Variants in VWA2 observed in about 807,000 individuals in gnomAD.
The protein encoded by VWA2 is von Willebrand factor A domain-containing protein 2.
In VWA2, 73 loss-of-function variants were observed where a neutral mutation model predicts 70.4. The observed-to-expected ratio is 1.04, with a 90% CI of 0.86 to 1.26. The LOEUF (loss-of-function observed/expected upper bound fraction) is 1.26. Among genes scored for constraint, VWA2 ranks in the 50% most tolerant of loss-of-function variants. The probability of loss-of-function intolerance (pLI) is 0.00; values close to 1 mark genes in which losing one functional copy is unlikely to be tolerated. For missense variants in VWA2, 1,011 were observed against 998.5 expected (o/e 1.01, Z -0.17); for synonymous variants, 407 against 423.3 (o/e 0.96, Z 0.47).
intron 1 of VWA2, among the ~76,000 whole-genome samples, chr10:114,241,253 G>A (rs1298361123): frequency 6.6e-6 from 1 of 152,042 alleles, no homozygotes; most frequent in East Asian, 1.9e-4. Context: ...GTTTGCCCTG[G>A]GGTTTGCTCC....
At chr10:114,247,010 G>A (rs1377994891) in intron 1 of VWA2, among the ~76,000 whole-genome samples, 1 of 152,100 alleles carries the variant, frequency 6.6e-6, no homozygotes, top group African/African-American at 2.4e-5. Flanking sequence ...GCCAGGCATG[G>A]TTTCTTCCCA....
At position 114,289,409 on chromosome 10, in the gene VWA2, C is replaced by T; in HGVS notation, c.2042C>T (p.Pro681Leu). 2 of 1,609,358 alleles carry T rather than the reference C, an allele frequency of 1.2e-6. No homozygotes were observed. The highest frequency in any genetic ancestry group is 1.7e-6 in the Non-Finnish European group (2 of 1,175,678). ...GAGGGTCTGCGGAGGCTTGCAGGTCCCCGGGATTCCCTGATCCACGTGGCA... is the reference window on the plus strand; with the variant it reads ...GAGGGTCTGCGGAGGCTTGCAGGTCTCCGGGATTCCCTGATCCACGTGGCA... ...LSEGLRRLAG[P>L]RDSLIHVAAY... The change falls in exon 12 of 14, where the codon CCC becomes CTC. Residue 681 changes from proline to leucine, a missense_variant. Physicochemically the swap from Pro to Leu is moderately conservative, Grantham distance 98. Coordinates refer to ENST00000392982, the MANE Select transcript of VWA2 (RefSeq NM_001272046.2).
chr10:114,247,198 A>G (rs933631366), intron 1 of VWA2, among the ~76,000 whole-genome samples: 5 of 152,142 alleles, frequency 3.3e-5, no homozygotes, highest in Admixed American at 1.3e-4. Context: ...TGAAAAAAAA[A>G]AAAAAGATTT....
intron 5 of VWA2, among the ~76,000 whole-genome samples, chr10:114,265,529 C>T (rs555300317): frequency 9.2e-5 from 14 of 152,328 alleles, no homozygotes; most frequent in Non-Finnish European, 1.9e-4. Context: ...AACAGGGGCC[C>T]TGGCCAGGAT....
chr10:114,242,577 CCTCTGTGTACCGCATGT>C (rs2036992598), intron 1 of VWA2, among the ~76,000 whole-genome samples: 1 of 151,518 alleles, frequency 6.6e-6, no homozygotes. Context: ...CGTACTGGTG[CCTCTGTGTACCGCATGT>C]CTCTGTGTAC....
Position 114,239,482 on chromosome 10 carries a change from A to G in VWA2, c.-98A>G, listed in dbSNP as rs1332964248. ...CCGCGCCCCGGGCGCCCCTCCTGTG[A>G]TCCCGTAGCGCCCCCTGGCCCGAGC... On this transcript the variant is annotated 5_prime_UTR_variant, in exon 1 of 14. Coordinates refer to ENST00000392982, the MANE Select transcript of VWA2 (RefSeq NM_001272046.2). 1 of 152,188 alleles carries G rather than the reference A, an allele frequency of 6.6e-6. No homozygotes were observed. The highest frequency in any genetic ancestry group is 1.5e-5 in the Non-Finnish European group (1 of 68,090). The allele number at this position is 152,188 out of a possible 1,614,324, so 9.4% of individuals were successfully genotyped here.
At chr10:114,285,898 T>G in intron 10 of VWA2, 41 bp from the exon 11 acceptor site, 1 of 1,537,818 alleles carries the variant, frequency 6.5e-7, no homozygotes, top group East Asian at 2.3e-5. Flanking sequence ...GCATGCCGCA[T>G]GACCATGGCT....
At position 114,286,147 on chromosome 10, in the gene VWA2, T is replaced by G. The variant is rs1308108127; in HGVS notation, c.1206T>G (p.Asp402Glu). 1 of 1,613,956 alleles carries G rather than the reference T, an allele frequency of 6.2e-7. No homozygotes were observed. The highest frequency in any genetic ancestry group is 1.3e-5 in the African/African-American group (1 of 74,930). Reference protein sequence around the residue: ...LVAVPVGEYQDVPDLVWSLDG... With the variant: ...LVAVPVGEYQEVPDLVWSLDG... Reference sequence around the variant, plus strand: ...CGGTGCCTGTGGGGGAGTACCAGGATGTGCCTGACCTGGTCTGGAGCCTCG... The same window carrying G: ...CGGTGCCTGTGGGGGAGTACCAGGAGGTGCCTGACCTGGTCTGGAGCCTCG... Residue 402 changes from aspartate (D) to glutamate (E), a missense_variant, in exon 11 of 14, where the codon GAT becomes GAG. Transcript: ENST00000392982.
At chr10:114,255,173 TG>T in intron 4 of VWA2, 125 bp downstream of exon 4, 1 of 1,232,446 alleles carries the variant, frequency 8.1e-7, no homozygotes, top group Non-Finnish European at 1.1e-6. Context: ...GGCTGAATCC[TG>T]GTTCCTGGCA....
chr10:114,250,880 G>A (rs2037182066), intron 2 of VWA2, among the ~76,000 whole-genome samples: 1 of 152,224 alleles, frequency 6.6e-6, no homozygotes, highest in African/African-American at 2.4e-5. Context: ...GCCCTGTCCA[G>A]CCTCCAGATT....
intron 5 of VWA2, among the ~76,000 whole-genome samples, chr10:114,268,617 A>G (rs2037627045): frequency 6.6e-6 from 1 of 152,190 alleles, no homozygotes; most frequent in Non-Finnish European, 1.5e-5. Flanking sequence ...TGTTAAACGT[A>G]GAAATAGACC....
At chr10:114,241,060 CTG>C (rs1322874690) in intron 1 of VWA2, among the ~76,000 whole-genome samples, 1 of 152,136 alleles carries the variant, frequency 6.6e-6, no homozygotes, top group Non-Finnish European at 1.5e-5. Context: ...GATGAGGAAA[CTG>C]AGACCCAGTT....
chr10:114,251,135 T>C (rs1203911993), intron 2 of VWA2, among the ~76,000 whole-genome samples: 1 of 152,246 alleles, frequency 6.6e-6, no homozygotes, highest in East Asian at 1.9e-4. Context: ...ACTAGATTAG[T>C]GATTCTCAAC....
chr10:114,261,258 C>A lies in VWA2; in HGVS notation c.334C>A (p.Gln112Lys). 6.2e-7 allele frequency: 1 copy of A among 1,614,150 alleles called. No homozygotes were observed. The highest frequency in any genetic ancestry group is 8.5e-7 in the Non-Finnish European group (1 of 1,180,006). The change falls in exon 5 of 14, where the codon CAG (glutamine) becomes AAG (lysine). Residue 112 changes from glutamine to lysine, a missense_variant. Gln to Lys is a moderately conservative substitution (Grantham distance 53). Transcript: ENST00000392982. ...EFPLDSFSTQ[Q>K]EVKARIKRMV... ...CCCCTTGGATTCATTTTCAACCCAACAGGAAGTGAAGGCAAGAATCAAGAG... is the reference window on the plus strand; with the variant it reads ...CCCCTTGGATTCATTTTCAACCCAAAAGGAAGTGAAGGCAAGAATCAAGAG...
rs753670619 is a variant in VWA2, at chr10:114,284,984, G to A, written c.997+14G>A. ...AGGCTAACTGTGGTAGGTATGCACC[G>A]GCCCTGCAAGACTGACCACTGGGGA... On this transcript the variant is annotated intron_variant, in intron 10 of 13. Coordinates refer to ENST00000392982, the MANE Select transcript of VWA2 (RefSeq NM_001272046.2). 2.7e-5 allele frequency: 43 copies of A among 1,572,750 alleles called. No individual in the cohort carries two copies. Among genetic ancestry groups the A allele is most frequent in the Middle Eastern group, 3.4e-4 (2 of 5,810 alleles).
intron 5 of VWA2, among the ~76,000 whole-genome samples, chr10:114,262,267 T>C (rs564597375): frequency 6.6e-6 from 1 of 151,108 alleles, no homozygotes; most frequent in Admixed American, 6.6e-5. Context: ...GTGTTTATGC[T>C]CATATGTTTT....
In VWA2 at chr10:114,253,730, GC is replaced by G. The variant is rs2037258050; in HGVS notation, c.127+8del. 1 of 1,611,976 alleles carries G rather than the reference GC, an allele frequency of 6.2e-7. No homozygotes were observed. Among genetic ancestry groups the G allele is most frequent in the Non-Finnish European group, 8.5e-7 (1 of 1,179,654 alleles). ...AGATTTCAGCTGCCAGCAAAAGTAA[GC>G]CCAGGTTCTTCTTAACCCTCCAGAT... On this transcript the variant is annotated splice_donor_region_variant and intron_variant, in intron 3 of 13. Transcript: ENST00000392982.
At chr10:114,256,178 G>GCAT (rs1564716923) in intron 4 of VWA2, among the ~76,000 whole-genome samples, 3 of 152,202 alleles carry the variant, frequency 2.0e-5, no homozygotes, top group African/African-American at 7.2e-5. Flanking sequence ...GCAGCATTAT[G>GCAT]TGTATAAACT....
chr10:114,250,627 G>A (rs1414021793), intron 2 of VWA2, among the ~76,000 whole-genome samples: 1 of 152,220 alleles, frequency 6.6e-6, no homozygotes, highest in East Asian at 1.9e-4. Context: ...CTGGAACCTA[G>A]CGAGGATCAG....
Sources: gnomAD v4.1 joint callset for allele counts (sites outside exome capture counted in the v4.1 genomes callset) on GRCh38, gnomAD v4.1.1 for gene constraint, MANE v1.5 for transcripts, NCBI Gene and HGNC (gene_info 2026-07-23, HGNC 2026-07-21) for gene names.